The following DSC1 variants were observed in gnomAD, a reference collection of about 807,000 sequenced individuals.
DSC1 encodes desmocollin 1, also known as desmocollin-1.
In DSC1, 79 loss-of-function variants were observed where a neutral mutation model predicts 98.8. The ratio of observed to expected loss-of-function variants is 0.80; its 90% confidence interval spans 0.67 to 0.96. The LOEUF is 0.96. DSC1 is among the 50% of genes least tolerant of loss of function. The pLI, the probability that DSC1 is intolerant of heterozygous loss-of-function variation, is 0.00. For missense variants in DSC1, 1,115 were observed against 1,075.9 expected (o/e 1.04, Z -0.51); for synonymous variants, 405 against 372.1 (o/e 1.09, Z -1.02).
chr18:31,155,468 A>G (rs1050504298), intron 4 of DSC1, among the ~76,000 whole-genome samples: 7 of 150,970 alleles, frequency 4.6e-5, no homozygotes, highest in African/African-American at 1.7e-4. Context: ...TGCCTCTACT[A>G]AAAATACAAA....
chr18:31,144,742 A>G (rs573056417), intron 7 of DSC1, among the ~76,000 whole-genome samples: 34 of 152,256 alleles, frequency 2.2e-4, no homozygotes, highest in African/African-American at 7.0e-4. Flanking sequence ...CTCATAGAAT[A>G]TATAGCACCA....
At position 31,156,032 on chromosome 18, in the gene DSC1, G is replaced by A. The variant is rs1989090292; in HGVS notation, c.471+11C>T. On this transcript the variant is annotated intron_variant, in intron 4 of 15. Transcript: ENST00000257198. ...TTTGGACACATATAAAATCAAATAA[G>A]TGAAATGCACCTGCTGAACGTGTTG... The A allele has an allele frequency of 1.9e-6, 3 of 1,606,600 alleles. No homozygotes were observed. The highest frequency in any genetic ancestry group is 1.1e-5 in the South Asian group (1 of 89,126).
intron 2 of DSC1, among the ~76,000 whole-genome samples, chr18:31,157,985 A>T (rs1368712549): frequency 6.6e-6 from 1 of 152,146 alleles, no homozygotes; most frequent in African/African-American, 2.4e-5. Context: ...CTTGCCAAAA[A>T]TAAGAAAACT....
chr18:31,131,715 A>G lies in DSC1; in HGVS notation c.2366T>C (p.Leu789Ser). The G allele has an allele frequency of 6.2e-7, 1 of 1,614,108 alleles. No individual in the cohort carries two copies. The highest frequency in any genetic ancestry group is 8.5e-7 in the Non-Finnish European group (1 of 1,179,968). ...SFEMVKGGYT[L>S]DSNKGGGHQT... ...ATGTCCACCTCCTTTGTTGGAATCC[A>G]AAGTGTAGCCTCCTTTGACCATCTC... The change falls in exon 15 of 16, where the codon TTG (leucine) becomes TCG (serine). Residue 789 changes from leucine (L) to serine (S), a missense_variant. Leu to Ser is a moderately radical substitution (Grantham distance 145, BLOSUM62 -2). Coordinates refer to ENST00000257198, the MANE Select transcript of DSC1 (RefSeq NM_024421.2).
rs770954271 is a variant in DSC1 at position 31,131,675 on chromosome 18, G to A, written c.2406C>T (p.Ser802=). 15 of 1,613,926 alleles carry A rather than the reference G, an allele frequency of 9.3e-6. No individual in the cohort carries two copies. In the Admixed American group the frequency reaches 1.0e-4, roughly 11 times the overall value. ...NKGGGHQTLE[S]VKGVGQGDTG... is the part of the protein sequence containing the mutation. ...TATCTCCCTGCCCCACTCCCTTGACGGACTCCAAGGTCTGATGTCCACCTC... is the reference window on the plus strand; with the variant it reads ...TATCTCCCTGCCCCACTCCCTTGACAGACTCCAAGGTCTGATGTCCACCTC... Residue 802 remains serine (S), a synonymous_variant, in exon 15 of 16, where the codon TCC becomes TCT. Coordinates refer to ENST00000257198, the MANE Select transcript of DSC1 (RefSeq NM_024421.2).
In DSC1 at chr18:31,137,965, A is replaced by ATGTGTGTG. The variant is rs201493651; in HGVS notation, c.1663+1775_1663+1782dup. ...GAATAATCATGAGCATCAGAGCAAA[A>ATGTGTGTG]TGTGTGTGTGTGTGTGTGTGTGTGT... is the stretch of plus-strand genomic sequence containing the variant. On this transcript the variant is annotated intron_variant, in intron 11 of 15. Transcript: ENST00000257198. Among the ~76,000 whole-genome samples, 1,320 of 141,602 alleles carry ATGTGTGTG rather than the reference A, an allele frequency of 9.3e-3. 6 individuals are homozygous for ATGTGTGTG. Among genetic ancestry groups the ATGTGTGTG allele is most frequent in the Non-Finnish European group, 0.014 (888 of 64,732 alleles). The allele number at this position is 141,602 out of a possible 152,430, so 92.9% of individuals were successfully genotyped here.
rs780041445 is a variant in DSC1 at position 31,156,159 on chromosome 18, G to C, written c.355C>G (p.Pro119Ala). 1.9e-6 allele frequency: 3 copies of C among 1,606,010 alleles called. No homozygotes were observed. In the African/African-American group the frequency reaches 4.0e-5, roughly 22 times the overall value. The change falls in exon 4 of 16, where the codon CCT becomes GCT. Residue 119 changes from proline (P) to alanine (A), a missense_variant. Coordinates refer to ENST00000257198, the MANE Select transcript of DSC1 (RefSeq NM_024421.2). ...GTGTCTTTGGTATGTCTCTTCTTAG[G>C]AGACTACATTTGACAAGAAACAAAG... ...VVLSARENKS[P>A]KKRHTKDTAL...
chr18:31,140,871 C>T (rs1219116161), intron 9 of DSC1, among the ~76,000 whole-genome samples: 1 of 152,148 alleles, frequency 6.6e-6, no homozygotes, highest in Non-Finnish European at 1.5e-5. Flanking sequence ...CCAGAATTCC[C>T]ACCTGTTGTG....
At position 31,132,683 on chromosome 18, in the gene DSC1, A is replaced by G; in HGVS notation, c.2123T>C (p.Leu708Pro). Residue 708 changes from leucine to proline, a missense_variant, in exon 14 of 16, where the codon CTG becomes CCG. By Grantham distance (98) the Leu-to-Pro change is moderately conservative. Transcript: ENST00000257198. ...AGCAGTGACACAGAAACATGTAAAC[A>G]GAATACCTAAAAAGCAAAAAAGATC... ...VLGSVLLLCI[L>P]FTCFCVTAKR... The G allele has an allele frequency of 6.2e-7, 1 of 1,610,424 alleles. No individual in the cohort carries two copies. Among genetic ancestry groups the G allele is most frequent in the Non-Finnish European group, 8.5e-7 (1 of 1,178,332 alleles).
intron 3 of DSC1, among the ~76,000 whole-genome samples, chr18:31,156,749 T>C (rs1401021003): frequency 6.6e-6 from 1 of 152,226 alleles, no homozygotes; most frequent in African/African-American, 2.4e-5. Context: ...AAATTCATTG[T>C]GGTGAATTTG....
chr18:31,137,973 G>A (rs1368964436), intron 11 of DSC1, among the ~76,000 whole-genome samples: 1 of 133,002 alleles, frequency 7.5e-6, no homozygotes, highest in Non-Finnish European at 1.6e-5. Context: ...AAATGTGTGT[G>A]TGTGTGTGTG....
rs764604066 is a variant in DSC1, at chr18:31,162,519, G to C, written c.63+13C>G. 1.2e-4 allele frequency: 199 copies of C among 1,613,406 alleles called. No individual in the cohort carries two copies. Among genetic ancestry groups the C allele is most frequent in the Non-Finnish European group, 1.6e-4 (190 of 1,179,572 alleles). ...ACATGCTTGAATTCCCTAATCCTTT[G>C]GTTGTTACTCACCAGGAGAGAGAAA... On this transcript the variant is annotated intron_variant, in intron 1 of 15. Transcript: ENST00000257198.
chr18:31,159,047 G>GTTTTTTTTTTTTTT (rs560889140), intron 2 of DSC1, among the ~76,000 whole-genome samples: 2,662 of 70,620 alleles, frequency 0.038, 567 homozygotes, highest in East Asian at 0.052. Flanking sequence ...CTACTATGTG[G>GTTTTTTTTTTTTTT]TTTTTTTTTT....
intron 5 of DSC1, among the ~76,000 whole-genome samples, chr18:31,154,276 CAA>C (rs66553394): frequency 1.4e-5 from 2 of 139,942 alleles, no homozygotes; most frequent in Admixed American, 7.2e-5. Context: ...GAAAGGGATG[CAA>C]AAAAAAAAAA....
At chr18:31,152,654 C>T in intron 5 of DSC1, among the ~76,000 whole-genome samples, 1 of 152,084 alleles carries the variant, frequency 6.6e-6, no homozygotes, top group East Asian at 1.9e-4. Flanking sequence ...GGGAACACAG[C>T]TACTAGCAGC....
chr18:31,156,846 G>T (rs1008564236), intron 3 of DSC1, among the ~76,000 whole-genome samples: 4 of 152,158 alleles, frequency 2.6e-5, no homozygotes, highest in African/African-American at 9.7e-5. Context: ...AATGAGCCTA[G>T]AGTTAAACAT....
intron 15 of DSC1, among the ~76,000 whole-genome samples, chr18:31,130,991 T>G (rs1051799644): frequency 6.6e-6 from 1 of 152,238 alleles, no homozygotes; most frequent in Non-Finnish European, 1.5e-5. Flanking sequence ...ACACAAAACA[T>G]GTATATTTGA....
chr18:31,156,887 C>T (rs1989108321), intron 3 of DSC1, among the ~76,000 whole-genome samples: 1 of 152,202 alleles, frequency 6.6e-6, no homozygotes, highest in South Asian at 2.1e-4. Context: ...GGCCACACCT[C>T]CACTCTCTGA....
At chr18:31,137,926 A>G (rs900059810) in intron 11 of DSC1, among the ~76,000 whole-genome samples, 17 of 151,912 alleles carry the variant, frequency 1.1e-4, no homozygotes, top group Non-Finnish European at 1.0e-4. Flanking sequence ...TAGAATACCT[A>G]GATCATCATC....
Sources: allele counts gnomAD v4.1 joint callset (sites outside exome capture counted in the v4.1 genomes callset), GRCh38; gene constraint gnomAD v4.1.1; transcripts MANE v1.5; gene names NCBI Gene and HGNC (gene_info 2026-07-23, HGNC 2026-07-21).